The following AKAP13 variants were observed in gnomAD, a reference collection of about 807,000 sequenced individuals.
AKAP13 encodes the protein A-kinase anchor protein 13.
AKAP13 carries 80 observed loss-of-function variants against 264.5 expected under a neutral mutation model. The observed-to-expected ratio is 0.30, with a 90% CI of 0.25 to 0.36. The LOEUF (loss-of-function observed/expected upper bound fraction) is 0.36. Ranked by LOEUF, AKAP13 falls within the 10% of genes least tolerant of loss-of-function variation. AKAP13 has a pLI of 1.00. For missense variants in AKAP13, 3,712 were observed against 3,435.2 expected, an observed-to-expected ratio of 1.08 and a Z score of -2.01; for synonymous variants, 1,380 against 1,250.2, an observed-to-expected ratio of 1.10 and a Z score of -2.19.
chr15:85,649,850 T>C (rs2082723541), intron 10 of AKAP13, among the ~76,000 whole-genome samples: 1 of 152,194 alleles, frequency 6.6e-6, no homozygotes, highest in Non-Finnish European at 1.5e-5. Flanking sequence ...AAAATATACA[T>C]GATCTAGGCC....
At chr15:85,587,665 T>C (rs889788393) in intron 8 of AKAP13, among the ~76,000 whole-genome samples, 4 of 152,188 alleles carry the variant, frequency 2.6e-5, no homozygotes, top group African/African-American at 9.7e-5. Context: ...TTTTATTTTT[T>C]TGAGATGAAG....
chr15:85,656,694 C>T (rs1194901347), intron 11 of AKAP13, among the ~76,000 whole-genome samples: 10 of 152,118 alleles, frequency 6.6e-5, no homozygotes, highest in Admixed American at 1.3e-4. Flanking sequence ...GTGATCCACC[C>T]GCCTCGGCCT....
chr15:85,743,561 C>A lies in AKAP13; in HGVS notation c.8128C>A (p.Pro2710Thr), dbSNP rs747760163. 5 of 1,614,054 alleles carry A rather than the reference C, an allele frequency of 3.1e-6. No individual in the cohort carries two copies. Among genetic ancestry groups the A allele is most frequent in the Middle Eastern group, 1.6e-4 (1 of 6,084 alleles). The change falls in exon 36 of 37, where the codon CCA becomes ACA. Residue 2710 changes from proline to threonine, a missense_variant. By Grantham distance (38) the Pro-to-Thr change is conservative. Around this residue, in one of 3 missense-constraint regions of AKAP13, gnomAD observed 611 missense variants for 539.3 expected, o/e 1.13. Coordinates refer to ENST00000394518, the MANE Select transcript of AKAP13 (RefSeq NM_007200.5). ...FFPSPEEPPS[P>T]SAPSIAKSGS... is the part of the protein sequence containing the mutation. The stretch of plus-strand genomic sequence containing the variant: ...CCCCAGTCCTGAGGAGCCCCCCTCG[C>A]CATCTGCACCTTCCATAGCCAAATC...
intron 5 of AKAP13, among the ~76,000 whole-genome samples, chr15:85,553,985 G>C (rs62023891): frequency 6.6e-6 from 1 of 152,016 alleles, no homozygotes; most frequent in Non-Finnish European, 1.5e-5. Flanking sequence ...ATTGCCTTCC[G>C]TGAAACTGGT....
chr15:85,425,729 A>G (rs1485163232), intron 1 of AKAP13, among the ~76,000 whole-genome samples: 1 of 151,804 alleles, frequency 6.6e-6, no homozygotes, highest in Non-Finnish European at 1.5e-5. Flanking sequence ...AAAAAAAAAA[A>G]AAAAGAACTT....
rs2089384557 is a variant in AKAP13 at position 85,746,882 on chromosome 15, G to A, written c.*2205G>A. 6.6e-6 allele frequency: 1 copy of A among 152,184 alleles called. No homozygotes were observed. The highest frequency in any genetic ancestry group is 1.9e-4 in the East Asian group (1 of 5,184). 9.4% of individuals were successfully genotyped at this position (152,184 alleles called of 1,614,324 possible). On this transcript the variant is annotated 3_prime_UTR_variant, in exon 37 of 37. Transcript: ENST00000394518. ...TCCGGGTTTGGAACAATACGAGGTTGGTGCTGATGGGATTTACTTGCGTAC... is the reference window on the plus strand; with the variant it reads ...TCCGGGTTTGGAACAATACGAGGTTAGTGCTGATGGGATTTACTTGCGTAC...
chr15:85,397,655 A>G (rs1307579224), intron 1 of AKAP13, among the ~76,000 whole-genome samples: 1 of 152,180 alleles, frequency 6.6e-6, no homozygotes, highest in East Asian at 1.9e-4. Flanking sequence ...CAAGGAAGGT[A>G]TTTTTATGAT....
intron 1 of AKAP13, among the ~76,000 whole-genome samples, chr15:85,481,509 C>G (rs2075351457): frequency 6.6e-6 from 1 of 152,106 alleles, no homozygotes; most frequent in African/African-American, 2.4e-5. Flanking sequence ...GAATGTGTCT[C>G]TTTTATACAG....
intron 8 of AKAP13, 149 bp downstream of exon 8, chr15:85,585,972 A>C: frequency 9.6e-7 from 1 of 1,045,552 alleles, no homozygotes; most frequent in South Asian, 1.7e-5. Flanking sequence ...AAATGTGTTT[A>C]TGTTGCTGCA....
At chr15:85,726,228 C>T (rs1476803286) in intron 26 of AKAP13, 182 bp from the exon 27 acceptor site, 2 of 466,836 alleles carry the variant, frequency 4.3e-6, no homozygotes, top group Non-Finnish European at 7.7e-6. Flanking sequence ...ATCTGGTGAC[C>T]AGATCTGAAT....
chr15:85,684,919 C>T, intron 16 of AKAP13, 46 bp downstream of exon 16: 2 of 1,571,594 alleles, frequency 1.3e-6, no homozygotes, highest in South Asian at 1.2e-5. Flanking sequence ...CAGTAGGATC[C>T]TGTCACAGCC....
chr15:85,727,578 G>A lies in AKAP13; in HGVS notation c.7087+115G>A. The A allele has an allele frequency of 9.2e-7, 1 of 1,086,976 alleles. No individual in the cohort carries two copies. Among genetic ancestry groups the A allele is most frequent in the East Asian group, 2.6e-5 (1 of 39,048 alleles). 67.3% of individuals were successfully genotyped at this position (1,086,976 alleles called of 1,614,324 possible). ...CTCAGTTCTAAAGCTGCCCCAGCAGGCACTTGAAAGCAGCAAAATGAATAG... is the reference window on the plus strand; with the variant it reads ...CTCAGTTCTAAAGCTGCCCCAGCAGACACTTGAAAGCAGCAAAATGAATAG... On this transcript the variant is annotated intron_variant, in intron 29 of 36. Coordinates refer to ENST00000394518, the MANE Select transcript of AKAP13 (RefSeq NM_007200.5). The surrounding 1 kb of genome is among the most constrained non-coding windows in gnomAD (Gnocchi z 5.3).
chr15:85,536,374 G>C (rs529179905), intron 4 of AKAP13: 1 of 152,326 alleles, frequency 6.6e-6, no homozygotes, highest in East Asian at 1.9e-4. Flanking sequence ...GTTGCTTGTA[G>C]GAATGCAAAA....
intron 14 of AKAP13, among the ~76,000 whole-genome samples, chr15:85,674,438 A>G (rs2084103799): frequency 6.6e-6 from 1 of 152,222 alleles, no homozygotes; most frequent in Non-Finnish European, 1.5e-5. Context: ...CAAATATTCC[A>G]AAATTCAAAA....
intron 1 of AKAP13, among the ~76,000 whole-genome samples, chr15:85,409,910 C>T (rs1183242190): frequency 2.6e-5 from 4 of 151,548 alleles, no homozygotes; most frequent in Non-Finnish European, 2.9e-5. Context: ...GGATTACAGG[C>T]GTGAGACACC....
chr15:85,463,976 G>A, intron 1 of AKAP13, among the ~76,000 whole-genome samples: 1 of 152,142 alleles, frequency 6.6e-6, no homozygotes, highest in East Asian at 1.9e-4. Context: ...CAGGTAGTAT[G>A]TACTGCGGAA....
chr15:85,707,956 G>C (rs559424652), intron 17 of AKAP13, 63 bp from the exon 18 acceptor site: 1 of 1,561,440 alleles, frequency 6.4e-7, no homozygotes, highest in East Asian at 2.2e-5. Flanking sequence ...GGCAGCAGTG[G>C]AAACTCAGAA....
At chr15:85,438,501 C>T (rs1567057068) in intron 1 of AKAP13, among the ~76,000 whole-genome samples, 1 of 149,440 alleles carries the variant, frequency 6.7e-6, no homozygotes, top group Non-Finnish European at 1.5e-5. Flanking sequence ...AAAGAGCCTG[C>T]ATCGCCAAGT....
chr15:85,659,586 T>G (rs1300098101), intron 12 of AKAP13, among the ~76,000 whole-genome samples: 1 of 151,046 alleles, frequency 6.6e-6, no homozygotes, highest in Non-Finnish European at 1.5e-5. Context: ...CTCTACTAAA[T>G]AAGTTTTTCA....
Sources: allele counts gnomAD v4.1 joint callset (sites outside exome capture counted in the v4.1 genomes callset), GRCh38; gene constraint gnomAD v4.1.1; regional missense constraint gnomAD v4.1.1; non-coding constraint Gnocchi (gnomAD v3.1); transcripts MANE v1.5; gene names NCBI Gene and HGNC (gene_info 2026-07-23, HGNC 2026-07-21).